SPARCL1: variants seen among roughly 807,000 people sequenced by gnomAD.
SPARCL1 encodes the protein SPARC like 1.
In SPARCL1, 52 loss-of-function variants were observed where a neutral mutation model predicts 67.1. The ratio of observed to expected loss-of-function variants is 0.78; its 90% CI spans 0.62 to 0.98. The LOEUF is 0.98. Ranked by LOEUF, SPARCL1 falls within the 50% of genes least tolerant of loss-of-function variation. SPARCL1 has a pLI of 0.00. For missense variants in SPARCL1, 717 were observed against 782.4 expected (o/e 0.92, Z 1.00); for synonymous variants, 226 against 267.8 (o/e 0.84, Z 1.52).
chr4:87,499,445 A>G (rs941172353), intron 2 of SPARCL1, 76 bp downstream of exon 2: 58 of 1,188,488 alleles, frequency 4.9e-5, no homozygotes, highest in Admixed American at 2.6e-4. Context: ...ATATAAGAAC[A>G]TTTTCTTTTA....
chr4:87,504,833 C>T (rs1197887589), intron 1 of SPARCL1: 1 of 152,118 alleles, frequency 6.6e-6, no homozygotes, highest in Non-Finnish European at 1.5e-5. Context: ...TGGCAAAATG[C>T]ACTTCTTTGT....
At chr4:87,498,133 A>G (rs1007740905) in intron 2 of SPARCL1, among the ~76,000 whole-genome samples, 1 of 152,172 alleles carries the variant, frequency 6.6e-6, no homozygotes, top group Admixed American at 6.5e-5. Context: ...GGAGAAAACA[A>G]CGGTTTTGTG....
intron 1 of SPARCL1, among the ~76,000 whole-genome samples, chr4:87,511,102 A>G (rs999617681): frequency 9.9e-5 from 15 of 152,230 alleles, no homozygotes; most frequent in African/African-American, 3.6e-4. Flanking sequence ...AATATCCTGC[A>G]TCAAAATCAG....
intron 7 of SPARCL1, among the ~76,000 whole-genome samples, chr4:87,489,705 G>T (rs1724232491): frequency 6.6e-6 from 1 of 152,140 alleles, no homozygotes; most frequent in African/African-American, 2.4e-5. Context: ...CAAGATATAT[G>T]GTCATACCTA....
At chr4:87,503,753 A>T (rs140617171) in intron 1 of SPARCL1, among the ~76,000 whole-genome samples, 3 of 143,568 alleles carry the variant, frequency 2.1e-5, no homozygotes, top group African/African-American at 7.9e-5. Flanking sequence ...ATCTTGGTTC[A>T]CTATAACCTC....
At position 87,502,542 on chromosome 4, in the gene SPARCL1, G is replaced by A. The variant is rs577725855; in HGVS notation, c.-11-2957C>T. On this transcript the variant is annotated intron_variant, in intron 1 of 10. Transcript: ENST00000282470. ...ATATACTGTTAATTTTTTATTTCCC[G>A]AAGGCTTCTTTTTAATATTGTCCTG... Among the ~76,000 whole-genome samples, 8 of 152,066 alleles carry A rather than the reference G, an allele frequency of 5.3e-5. No individual in the cohort carries two copies. The East Asian group carries it at 5.8e-4, about 11-fold the overall frequency.
intron 4 of SPARCL1, among the ~76,000 whole-genome samples, chr4:87,491,891 G>A (rs1273333392): frequency 1.3e-5 from 2 of 149,992 alleles, no homozygotes; most frequent in African/African-American, 2.4e-5. Context: ...GATCACTTGA[G>A]CCCAGGAGTT....
intron 1 of SPARCL1, among the ~76,000 whole-genome samples, chr4:87,516,386 A>G (rs952851126): frequency 6.6e-6 from 1 of 150,952 alleles, no homozygotes; most frequent in Non-Finnish European, 1.5e-5. Context: ...TGTGTGGAAT[A>G]GCACTCAAAT....
chr4:87,494,960 T>G (rs1156434712), intron 3 of SPARCL1, 21 bp downstream of exon 3: 1 of 1,576,382 alleles, frequency 6.3e-7, no homozygotes, highest in Admixed American at 1.9e-5. Flanking sequence ...ATTGTATTAA[T>G]ATAAATGATG....
chr4:87,497,063 G>A (rs1560820695), intron 2 of SPARCL1: 1 of 186,898 alleles, frequency 5.4e-6, no homozygotes, highest in Non-Finnish European at 1.0e-5. Context: ...TATTTTTCTA[G>A]TAGAGACAGG....
intron 1 of SPARCL1, among the ~76,000 whole-genome samples, chr4:87,515,023 G>A (rs1725523453): frequency 6.6e-6 from 1 of 152,102 alleles, no homozygotes. Context: ...TGCAGAAATA[G>A]AAAATAAAAC....
intron 7 of SPARCL1, among the ~76,000 whole-genome samples, chr4:87,483,491 G>A: frequency 6.6e-6 from 1 of 152,170 alleles, no homozygotes; most frequent in African/African-American, 2.4e-5. Flanking sequence ...TATCACTGAT[G>A]GGCATTTTGG....
Position 87,499,536 on chromosome 4 carries a change from A to G in SPARCL1, c.39T>C (p.Thr13=). 1 of 1,599,038 alleles carries G rather than the reference A, an allele frequency of 6.3e-7. No homozygotes were observed. Among genetic ancestry groups the G allele is most frequent in the Non-Finnish European group, 8.5e-7 (1 of 1,176,368 alleles). The change falls in exon 2 of 11, where the codon ACT becomes ACC. Residue 13 remains threonine, a synonymous_variant. Transcript: ENST00000282470. ...TGLFFLCLLG[T]AAAIPTNARL... Reference sequence around the variant, plus strand: ...GGAAATTTACCGGGATTGCAGCTGCAGTTCCCAAGAGACATAGGAAAAAAA... The same window carrying G: ...GGAAATTTACCGGGATTGCAGCTGCGGTTCCCAAGAGACATAGGAAAAAAA...
intron 2 of SPARCL1, 90 bp downstream of exon 2, chr4:87,499,431 C>A (rs1578105341): frequency 9.8e-7 from 1 of 1,021,666 alleles, no homozygotes; most frequent in South Asian, 1.4e-5. Flanking sequence ...AATTTCAAAC[C>A]ATTATATAAG....
intron 7 of SPARCL1, among the ~76,000 whole-genome samples, chr4:87,485,379 C>T (rs888696733): frequency 1.3e-5 from 2 of 152,054 alleles, no homozygotes; most frequent in Admixed American, 6.5e-5. Flanking sequence ...CATTGATTTG[C>T]GTATGTTGAA....
At chr4:87,474,407 T>A (rs114997115) in intron 10 of SPARCL1, among the ~76,000 whole-genome samples, 26,915 of 152,070 alleles carry the variant, frequency 0.18, 2,606 homozygotes, top group East Asian at 0.3. Context: ...TGATTTTTTT[T>A]TTTTGAGTAC....
intron 7 of SPARCL1, among the ~76,000 whole-genome samples, chr4:87,484,902 C>T (rs559510808): frequency 3.3e-5 from 5 of 152,170 alleles, no homozygotes; most frequent in South Asian, 2.1e-4. Flanking sequence ...TTGTGATTTT[C>T]GTACATTGAT....
chr4:87,528,529 T>C (rs958871651), intron 1 of SPARCL1: 4 of 152,108 alleles, frequency 2.6e-5, no homozygotes, highest in Non-Finnish European at 5.9e-5. Flanking sequence ...AACAAGAATA[T>C]AGTATAAAAG....
intron 10 of SPARCL1, among the ~76,000 whole-genome samples, chr4:87,475,076 G>C (rs1723534357): frequency 6.6e-6 from 1 of 152,138 alleles, no homozygotes; most frequent in South Asian, 2.1e-4. Context: ...ATGAGTAAAT[G>C]AAAGGAGTGC....
Sources: allele counts gnomAD v4.1 joint callset (sites outside exome capture counted in the v4.1 genomes callset), GRCh38; gene constraint gnomAD v4.1.1; transcripts MANE v1.5; gene names NCBI Gene and HGNC (gene_info 2026-07-23, HGNC 2026-07-21).